ADAMTSL2: variants seen among roughly 807,000 people sequenced by gnomAD.
ADAMTSL2 encodes the protein ADAMTS like 2.
ADAMTSL2 carries 55 observed loss-of-function variants against 117.0 expected under a neutral mutation model. That is an observed-to-expected ratio of 0.47 (90% CI 0.38 to 0.59). ADAMTSL2 has a LOEUF of 0.59. Among genes scored for constraint, ADAMTSL2 ranks in the 20% least tolerant of loss-of-function variants. The pLI is 0.00. For synonymous variants in ADAMTSL2, 572 were observed against 566.4 expected (o/e 1.01, Z -0.14); for missense variants, 1,182 against 1,354.5 (o/e 0.87, Z 2.00).
chr9:133,537,779 C>T (rs1479783398), intron 3 of ADAMTSL2, among the ~76,000 whole-genome samples: 3 of 152,220 alleles, frequency 2.0e-5, no homozygotes, highest in South Asian at 2.1e-4. Context: ...AGCCCTTTCA[C>T]GAGAGGGCAG....
intron 8 of ADAMTSL2, among the ~76,000 whole-genome samples, chr9:133,545,759 C>T (rs954818535): frequency 1.3e-5 from 2 of 152,120 alleles, no homozygotes; most frequent in South Asian, 2.1e-4. Flanking sequence ...CTGGGAAAGC[C>T]GCAGGAAGGA....
chr9:133,545,434 T>G (rs1830325162), intron 8 of ADAMTSL2, among the ~76,000 whole-genome samples: 1 of 152,134 alleles, frequency 6.6e-6, no homozygotes, highest in African/African-American at 2.4e-5. Context: ...TTGCTGAAGG[T>G]CTTCAGGCTG....
chr9:133,555,823 C>G lies in ADAMTSL2; in HGVS notation c.1542C>G (p.Tyr514Ter). 1 of 1,613,790 alleles carries G rather than the reference C, an allele frequency of 6.2e-7. No homozygotes were observed. The highest frequency in any genetic ancestry group is 8.5e-7 in the Non-Finnish European group (1 of 1,180,024). The change falls in exon 11 of 19, where the codon TAC becomes TAG. Residue 514 changes from tyrosine (Y) to a stop codon, truncating the protein, a stop_gained. Transcript: ENST00000651351. LOFTEE classifies it high-confidence loss of function. ...GAGPYLLNGS[Y>*]LELSSDRVAN... ...GCCCTTACCTGCTCAACGGGTCCTA[C>G]CTGGAGCTGAGCAGCGACAGGGTTG...
chr9:133,539,726 CG>C lies in ADAMTSL2; in HGVS notation c.310-42del, dbSNP rs1564493502. The C allele has an allele frequency of 2.9e-6, 4 of 1,395,618 alleles. No individual in the cohort carries two copies. In the South Asian group the frequency reaches 5.3e-5, roughly 18 times the overall value. 86.5% of individuals were successfully genotyped at this position (1,395,618 alleles called of 1,614,324 possible). ...TTAGCCTGGACAAAAATGCCTTTGT[CG>C]GGCCGAGTTCCTCCCGGAGCCTCCC... On this transcript the variant is annotated intron_variant, in intron 4 of 18. Transcript: ENST00000651351.
Position 133,534,855 on chromosome 9 carries a change from C to A in ADAMTSL2, c.-213C>A. ...CCCCGCACGCACAGCGCACCTGGCG[C>A]CGTCTGCCCTCCGCAGCGCTCGCCC... On this transcript the variant is annotated 5_prime_UTR_variant, in exon 1 of 19. Coordinates refer to ENST00000651351, the MANE Select transcript of ADAMTSL2 (RefSeq NM_014694.4). The A allele has an allele frequency of 6.7e-7, 1 of 1,494,452 alleles. No homozygotes were observed. The highest frequency in any genetic ancestry group is 8.9e-7 in the Non-Finnish European group (1 of 1,117,662). The allele number at this position is 1,494,452 out of a possible 1,614,324, so 92.6% of individuals were successfully genotyped here. A position where few individuals can be genotyped will look rare whatever the true frequency, so the allele number is the denominator to read the frequency against.
Position 133,536,572 on chromosome 9 carries a change from G to A in ADAMTSL2, c.-141G>A, listed in dbSNP as rs533336549. ...TCATCCTTCCCAACAGGGTCTGCCA[G>A]ACAACCACGACCAACTAGTCCCAGA... On this transcript the variant is annotated 5_prime_UTR_variant, in exon 2 of 19. Transcript: ENST00000651351. The A allele has an allele frequency of 4.5e-5, 72 of 1,584,174 alleles. No individual in the cohort carries two copies. In the South Asian group the frequency reaches 7.5e-4, roughly 16 times the overall value.
In ADAMTSL2 at chr9:133,555,940, A is replaced by C; in HGVS notation, c.1649+10A>C. ...GGACTCACAAGGCCAGGTAGGAGGCACTTTCCTGAGCCCTGTCCAGGGCCC... is the reference window on the plus strand; with the variant it reads ...GGACTCACAAGGCCAGGTAGGAGGCCCTTTCCTGAGCCCTGTCCAGGGCCC... On this transcript the variant is annotated intron_variant, in intron 11 of 18. Coordinates refer to ENST00000651351, the MANE Select transcript of ADAMTSL2 (RefSeq NM_014694.4). 2 of 1,609,204 alleles carry C rather than the reference A, an allele frequency of 1.2e-6. No homozygotes were observed. Among genetic ancestry groups the C allele is most frequent in the Non-Finnish European group, 1.7e-6 (2 of 1,179,728 alleles).
Position 133,555,706 on chromosome 9 carries a change from T to C in ADAMTSL2, c.1425T>C (p.Asn475=). Residue 475 remains asparagine, a synonymous_variant, in exon 11 of 19, where the codon AAT becomes AAC. Coordinates refer to ENST00000651351, the MANE Select transcript of ADAMTSL2 (RefSeq NM_014694.4). ...AGSDLKDFTL[N]ETVNSIFAQG... ...CTGACTTGAAGGACTTCACCCTCAA[T>C]GAGACTGTGAACAGCATCTTTGCAC... The C allele has an allele frequency of 2.5e-6, 4 of 1,612,358 alleles. No homozygotes were observed. The highest frequency in any genetic ancestry group is 3.4e-6 in the Non-Finnish European group (4 of 1,178,654).
In ADAMTSL2 at chr9:133,554,525, C is replaced by T. The variant is rs1830560445; in HGVS notation, c.1108C>T (p.Leu370Phe). 1.9e-6 allele frequency: 3 copies of T among 1,549,704 alleles called. No homozygotes were observed. The highest frequency in any genetic ancestry group is 1.2e-5 in the South Asian group (1 of 84,116). Residue 370 changes from leucine to phenylalanine, a missense_variant, in exon 10 of 19, where the codon CTC becomes TTC. Coordinates refer to ENST00000651351, the MANE Select transcript of ADAMTSL2 (RefSeq NM_014694.4). This position sits in a 1 kb window ranked among gnomAD's most constrained non-coding sequence, Gnocchi z 5.2. ...LMGFVPHNGS[L>F]YGQASSERLG... is the part of the protein sequence containing the mutation. ...GGGCTTCGTCCCGCACAACGGCTCC[C>T]TCTACGGCCAGGCCTCCTCAGAGCG...
Position 133,537,552 on chromosome 9 carries a change from G to T in ADAMTSL2, c.233+5G>T. ...GCGGCACTGCCTGCAGCAGAGGTGC[G>T]AGGTTGGGCACGTGGCCCTGAGGGG... is the stretch of plus-strand genomic sequence containing the variant. On this transcript the variant is annotated splice_donor_5th_base_variant and intron_variant, in intron 3 of 18. Transcript: ENST00000651351. The T allele has an allele frequency of 7.4e-7, 1 of 1,345,358 alleles. No homozygotes were observed. The highest frequency in any genetic ancestry group is 2.5e-5 in the South Asian group (1 of 40,508). 83.3% of individuals were successfully genotyped at this position (1,345,358 alleles called of 1,614,324 possible).
rs936095569 is a variant in ADAMTSL2, at chr9:133,574,807, C to T, written c.2799C>T (p.Cys933=). Residue 933 remains cysteine, a synonymous_variant, in exon 19 of 19, where the codon TGC becomes TGT. Transcript: ENST00000651351. Reference sequence around the variant, plus strand: ...CCCTGGCCATCAAAGTGAACCTCTGCGGGCACTGGTACTACAGCAAGGCGT... The same window carrying T: ...CCCTGGCCATCAAAGTGAACCTCTGTGGGCACTGGTACTACAGCAAGGCGT... ...NCALAIKVNL[C]GHWYYSKACC... is the part of the protein sequence containing the mutation. 5.0e-5 allele frequency: 81 copies of T among 1,613,718 alleles called. No homozygotes were observed. The highest frequency in any genetic ancestry group is 2.0e-4 in the South Asian group (18 of 91,086).
intron 11 of ADAMTSL2, 138 bp downstream of exon 11, chr9:133,556,068 T>G: frequency 8.5e-7 from 1 of 1,169,630 alleles, no homozygotes; most frequent in Non-Finnish European, 1.2e-6. Flanking sequence ...AGAGGGCCCC[T>G]TCTTCCCGGG....
At chr9:133,546,796 C>T (rs896372924) in intron 8 of ADAMTSL2, among the ~76,000 whole-genome samples, 4 of 152,226 alleles carry the variant, frequency 2.6e-5, no homozygotes, top group African/African-American at 9.6e-5. Flanking sequence ...AAATGGGTCC[C>T]CAGCCAGCCG....
At chr9:133,547,801 C>T (rs988000843) in intron 9 of ADAMTSL2, among the ~76,000 whole-genome samples, 4 of 152,226 alleles carry the variant, frequency 2.6e-5, no homozygotes, top group Admixed American at 6.5e-5. Context: ...CCTCCCCTGA[C>T]ATGGCCTCCC....
At chr9:133,534,593 AGTGTGCGCCAGGCCGGCCGGCGCGGGC>A (rs1294439644), upstream of ADAMTSL2, 1 of 1,205,654 alleles carries the variant, frequency 8.3e-7, no homozygotes, top group Non-Finnish European at 1.1e-6. Flanking sequence ...AGCGGGTTAA[AGTGTGCGCCAGGCCGGCCGGCGCGGGC>A]GGGGGAGCGG....
At chr9:133,549,367 G>T (rs1193307450) in intron 9 of ADAMTSL2, among the ~76,000 whole-genome samples, 3 of 152,092 alleles carry the variant, frequency 2.0e-5, no homozygotes, top group African/African-American at 4.8e-5. Context: ...CCTCAGAGGG[G>T]CCAGGTGGCT....
At chr9:133,546,851 G>C (rs1830359778) in intron 8 of ADAMTSL2, among the ~76,000 whole-genome samples, 187 bp from the exon 9 acceptor site, 2 of 152,296 alleles carry the variant, frequency 1.3e-5, no homozygotes, top group South Asian at 2.1e-4. Context: ...TTTAGGCTGA[G>C]AGGAACGTGC....
chr9:133,547,471 C>T lies in ADAMTSL2; in HGVS notation c.939+258C>T, dbSNP rs553540671. ...CATTTCCAGTCTCCCATTCACTCAT[C>T]AGTTCATTAATTCATTTACCTGTTC... On this transcript the variant is annotated intron_variant, in intron 9 of 18. Coordinates refer to ENST00000651351, the MANE Select transcript of ADAMTSL2 (RefSeq NM_014694.4). Among the ~76,000 whole-genome samples the T allele has an allele frequency of 2.0e-5, 3 of 152,390 alleles. No homozygotes were observed. In the South Asian group the frequency reaches 6.2e-4, roughly 32 times the overall value.
chr9:133,571,748 A>C (rs1831111363), intron 17 of ADAMTSL2, among the ~76,000 whole-genome samples: 1 of 152,072 alleles, frequency 6.6e-6, no homozygotes, highest in South Asian at 2.1e-4. Context: ...TGAGCTTCTG[A>C]GAGGGGGACC....
Sources: gnomAD v4.1 joint callset for allele counts (sites outside exome capture counted in the v4.1 genomes callset) on GRCh38, gnomAD v4.1.1 for gene constraint, Gnocchi (gnomAD v3.1) non-coding constraint, MANE v1.5 for transcripts, NCBI Gene and HGNC (gene_info 2026-07-23, HGNC 2026-07-21) for gene names.